The following FAM53C variants were observed in gnomAD, a reference collection of about 807,000 sequenced individuals.
FAM53C encodes the protein family with sequence similarity 53 member C, also known as protein FAM53C.
In FAM53C, 10 loss-of-function variants were observed where a neutral mutation model predicts 34.7. The observed-to-expected ratio is 0.29, with a 90% CI of 0.18 to 0.49. The LOEUF is 0.49. Ranked by LOEUF, FAM53C falls within the 20% of genes least tolerant of loss-of-function variation. The pLI is 0.99. For synonymous variants in FAM53C, 203 were observed against 203.6 expected, an observed-to-expected ratio of 1.00 and a Z score of 0.03; for missense variants, 442 against 515.3, an observed-to-expected ratio of 0.86 and a Z score of 1.38.
upstream of FAM53C, chr5:138,338,262 G>A (rs552456163): frequency 7.9e-6 from 8 of 1,008,730 alleles, no homozygotes; most frequent in South Asian, 5.3e-5. Context: ...CGAACCGAGC[G>A]CTCAGAGCTG....
chr5:138,341,639 A>G lies in FAM53C; in HGVS notation c.79-170A>G. 3 of 735,972 alleles carry G rather than the reference A, an allele frequency of 4.1e-6. 1 individual carries two copies. Among genetic ancestry groups the G allele is most frequent in the South Asian group, 3.3e-5 (2 of 59,724 alleles). The allele number at this position is 735,972 out of a possible 1,614,324, so 45.6% of individuals were successfully genotyped here. A position where few individuals can be genotyped will look rare whatever the true frequency, so the allele number is the denominator to read the frequency against. ...GGTGGAGAAGGGTTTGAGATGTTGG[A>G]AGATGTGGATTGTTTGACTTACTAA... On this transcript the variant is annotated intron_variant, in intron 2 of 4. Transcript: ENST00000239906.
rs191005924 is a variant in FAM53C, at chr5:138,348,351, T to G, written c.*1392T>G. 6 of 152,644 alleles carry G rather than the reference T, an allele frequency of 3.9e-5. No individual in the cohort carries two copies. The East Asian group carries it at 1.2e-3, about 29-fold the overall frequency. The allele number at this position is 152,644 out of a possible 1,614,324, so 9.5% of individuals were successfully genotyped here. ...GTCCAAGTGGCCACAGTGATGGGTT[T>G]AAGTACCTTGGTAGGGCTGGCACCA... On this transcript the variant is annotated 3_prime_UTR_variant, in exon 5 of 5. Coordinates refer to ENST00000239906, the MANE Select transcript of FAM53C (RefSeq NM_016605.3).
At chr5:138,339,890 G>C (rs1760979629) in intron 1 of FAM53C, among the ~76,000 whole-genome samples, 1 of 152,172 alleles carries the variant, frequency 6.6e-6, no homozygotes, top group African/African-American at 2.4e-5. Flanking sequence ...AGGTGTGAGT[G>C]GGGTAGAGAT....
At chr5:138,342,091 G>A (rs185648253) in intron 3 of FAM53C, 112 of 518,112 alleles carry the variant, frequency 2.2e-4, no homozygotes, top group Middle Eastern at 2.0e-3. Flanking sequence ...CTAATTTTTT[G>A]AATAGGTAAT....
chr5:138,339,918 GA>G (rs1760981196), intron 1 of FAM53C, among the ~76,000 whole-genome samples: 1 of 152,012 alleles, frequency 6.6e-6, no homozygotes, highest in Non-Finnish European at 1.5e-5. Context: ...CTTTTTTGTA[GA>G]GTGATCTGCC....
Position 138,347,369 on chromosome 5 carries a change from A to C in FAM53C, c.*410A>C, listed in dbSNP as rs1761210920. 1 of 268,836 alleles carries C rather than the reference A, an allele frequency of 3.7e-6. No individual in the cohort carries two copies. Among genetic ancestry groups the C allele is most frequent in the Non-Finnish European group, 7.2e-6 (1 of 138,084 alleles). 16.7% of individuals were successfully genotyped at this position (268,836 alleles called of 1,614,324 possible). ...TCAGCCTCCTCAGAGAAACTGCGTG[A>C]GAGTGTGTGCGTGCATGGGAGTGTA... On this transcript the variant is annotated 3_prime_UTR_variant, in exon 5 of 5. Transcript: ENST00000239906.
chr5:138,341,663 A>G, intron 2 of FAM53C, 146 bp from the exon 3 acceptor site: 1 of 797,800 alleles, frequency 1.3e-6, no homozygotes. Flanking sequence ...TTGACTTACT[A>G]ACTTTGGGAA....
At chr5:138,341,106 T>C in intron 1 of FAM53C, 78 bp from the exon 2 acceptor site, 1 of 638,036 alleles carries the variant, frequency 1.6e-6, no homozygotes, top group Non-Finnish European at 3.0e-6. Context: ...GGTGCTGTGG[T>C]ATGTGTGCCA....
chr5:138,341,151 ATATC>A (rs1761021462), intron 1 of FAM53C, 29 bp from the exon 2 acceptor site: 1 of 713,566 alleles, frequency 1.4e-6, no homozygotes. Flanking sequence ...TGCATCTCTA[ATATC>A]ACTTGGGGCT....
chr5:138,338,893 C>A (rs529745180), intron 1 of FAM53C, among the ~76,000 whole-genome samples: 1 of 152,244 alleles, frequency 6.6e-6, no homozygotes, highest in Non-Finnish European at 1.5e-5. Context: ...TTGTGACTCT[C>A]CTCCCTGTTG....
upstream of FAM53C, chr5:138,338,207 G>A: frequency 7.8e-7 from 1 of 1,277,026 alleles, no homozygotes. Context: ...ACTCTCCTCA[G>A]GGACTCGTTG....
In FAM53C at chr5:138,344,848, C is replaced by T. The variant is rs936780210; in HGVS notation, c.160C>T (p.Pro54Ser). Residue 54 changes from proline to serine, a missense_variant, in exon 4 of 5, where the codon CCC (proline) becomes TCC (serine). Transcript: ENST00000239906. Reference protein sequence around the residue: ...VSEGASWRGLPHCSCAEFQDS... With the variant: ...VSEGASWRGLSHCSCAEFQDS... ...AGAAGGTGCTTCCTGGAGGGGCCTG[C>T]CCCACTGTTCCTGTGCTGAGTTCCA... is the stretch of plus-strand genomic sequence containing the variant. 4 of 1,570,034 alleles carry T rather than the reference C, an allele frequency of 2.5e-6. No individual in the cohort carries two copies. Among genetic ancestry groups the T allele is most frequent in the Non-Finnish European group, 2.6e-6 (3 of 1,157,752 alleles).
upstream of FAM53C, chr5:138,337,955 CCTT>C (rs1339243500): frequency 7.8e-7 from 1 of 1,289,222 alleles, no homozygotes; most frequent in East Asian, 5.6e-5. Context: ...CCTTTGTTTA[CCTT>C]CTTCCGACAT....
Position 138,345,649 on chromosome 5 carries a change from G to A in FAM53C, c.921+40G>A. On this transcript the variant is annotated intron_variant, in intron 4 of 4. Coordinates refer to ENST00000239906, the MANE Select transcript of FAM53C (RefSeq NM_016605.3). The surrounding 1 kb of genome is among the most constrained non-coding windows in gnomAD (Gnocchi z 6.3). ...ACTAGGGGAGCTTAGATGGGAGTGT[G>A]GGGACTGTTCTGTTTCCACTTTTGA... 6.3e-7 allele frequency: 1 copy of A among 1,578,556 alleles called. No individual in the cohort carries two copies. The highest frequency in any genetic ancestry group is 1.2e-5 in the South Asian group (1 of 85,292).
chr5:138,338,015 A>G (rs1447209879), upstream of FAM53C: 2 of 1,289,568 alleles, frequency 1.6e-6, no homozygotes, highest in Admixed American at 4.6e-5. Context: ...GGGGCCGTCC[A>G]CTTTCTGCGA....
At chr5:138,342,008 G>A (rs1761046840) in intron 3 of FAM53C, 142 bp downstream of exon 3, 1 of 715,886 alleles carries the variant, frequency 1.4e-6, no homozygotes. Flanking sequence ...ATTGACAGTT[G>A]TCTTTCATGT....
chr5:138,346,279 C>T (rs1335931791), intron 4 of FAM53C, among the ~76,000 whole-genome samples: 2 of 152,230 alleles, frequency 1.3e-5, no homozygotes, highest in Non-Finnish European at 2.9e-5. Flanking sequence ...CCTGCCCTCA[C>T]GGAGCTTCTA....
rs775082801 is a variant in FAM53C, at chr5:138,345,585, G to A, written c.897G>A (p.Ser299=). 4.3e-6 allele frequency: 7 copies of A among 1,612,778 alleles called. No individual in the cohort carries two copies. Among genetic ancestry groups the A allele is most frequent in the East Asian group, 2.2e-5 (1 of 44,860 alleles). The change falls in exon 4 of 5, where the codon TCG becomes TCA. Residue 299 remains serine, a synonymous_variant. Coordinates refer to ENST00000239906, the MANE Select transcript of FAM53C (RefSeq NM_016605.3). This position sits in a 1 kb window ranked among gnomAD's most constrained non-coding sequence, Gnocchi z 6.3. ...AAGACCCCCGGCGTCTGCGGCCTTCGTTGGACTTTGACAAGATGAATCAGG... is the reference window on the plus strand; with the variant it reads ...AAGACCCCCGGCGTCTGCGGCCTTCATTGGACTTTGACAAGATGAATCAGG... The part of the protein sequence containing the change: ...HEEDPRRLRP[S]LDFDKMNQKP...
At position 138,348,066 on chromosome 5, in the gene FAM53C, T is replaced by G. The variant is rs1043082931; in HGVS notation, c.*1107T>G. The G allele has an allele frequency of 2.6e-5, 4 of 152,678 alleles. No homozygotes were observed. The highest frequency in any genetic ancestry group is 5.9e-5 in the Non-Finnish European group (4 of 68,082). The allele number at this position is 152,678 out of a possible 1,614,324, so 9.5% of individuals were successfully genotyped here. A position where few individuals can be genotyped will look rare whatever the true frequency, so the allele number is the denominator to read the frequency against. The stretch of plus-strand genomic sequence containing the variant: ...CTGCAGGAAACCAATTCTTACAAGA[T>G]CCAGGCCCAGCCTTTTTGACCTGCT... On this transcript the variant is annotated 3_prime_UTR_variant, in exon 5 of 5. Transcript: ENST00000239906.
Sources: gnomAD v4.1 joint callset for allele counts (sites outside exome capture counted in the v4.1 genomes callset) on GRCh38, gnomAD v4.1.1 for gene constraint, Gnocchi (gnomAD v3.1) non-coding constraint, MANE v1.5 for transcripts, NCBI Gene and HGNC (gene_info 2026-07-23, HGNC 2026-07-21) for gene names.